The following KLHDC10 variants were observed in gnomAD, a reference collection of about 807,000 sequenced individuals.
The protein encoded by KLHDC10 is kelch domain-containing protein 10.
KLHDC10 carries 24 observed loss-of-function variants against 56.1 expected under a neutral mutation model. The observed-to-expected ratio is 0.43, with a 90% CI of 0.31 to 0.60. The LOEUF (loss-of-function observed/expected upper bound fraction) is 0.60. Ranked by LOEUF, KLHDC10 falls within the 20% of genes least tolerant of loss-of-function variation. The probability of loss-of-function intolerance (pLI) is 0.11; values close to 1 mark genes in which losing one functional copy is unlikely to be tolerated. For synonymous variants in KLHDC10, 188 were observed against 207.1 expected (o/e 0.91, Z 0.79); for missense variants, 349 against 567.0 (o/e 0.62, Z 3.91).
intron 2 of KLHDC10, among the ~76,000 whole-genome samples, chr7:130,101,516 A>G (rs560189298): frequency 2.6e-5 from 4 of 152,256 alleles, no homozygotes; most frequent in African/African-American, 9.6e-5. Context: ...TAATGAAAGA[A>G]TTGCCTTCAA....
intron 8 of KLHDC10, 73 bp downstream of exon 8, chr7:130,127,524 T>G: frequency 2.8e-6 from 3 of 1,081,844 alleles, no homozygotes; most frequent in Non-Finnish European, 4.3e-6. Flanking sequence ...TTTCCTAAGA[T>G]AGCCCCCTCA....
At chr7:130,071,975 T>C (rs1460694028) in intron 1 of KLHDC10, among the ~76,000 whole-genome samples, 1 of 152,202 alleles carries the variant, frequency 6.6e-6, no homozygotes, top group Non-Finnish European at 1.5e-5. Flanking sequence ...GAAATGTACA[T>C]TACCCCATTT....
At chr7:130,074,447 TAC>T (rs1795468659) in intron 1 of KLHDC10, among the ~76,000 whole-genome samples, 1 of 152,164 alleles carries the variant, frequency 6.6e-6, no homozygotes, top group Admixed American at 6.6e-5. Flanking sequence ...CGTATACATA[TAC>T]ACACATATGC....
chr7:130,112,483 G>A (rs1422098879), intron 2 of KLHDC10, among the ~76,000 whole-genome samples: 4 of 152,128 alleles, frequency 2.6e-5, no homozygotes, highest in Non-Finnish European at 5.9e-5. Context: ...GAATTCTATG[G>A]TAGATTTTAT....
Position 130,116,021 on chromosome 7 carries a change from T to G in KLHDC10, c.254-424T>G, listed in dbSNP as rs1796163003. ...GACTCATTCATATTCGTGATTATAT[T>G]TATTTAGTTCTCTAATATTCACAGT... On this transcript the variant is annotated intron_variant, in intron 2 of 9. Transcript: ENST00000335420. The surrounding 1 kb of genome is among the most constrained non-coding windows in gnomAD (Gnocchi z 4.8). Among the ~76,000 whole-genome samples the G allele has an allele frequency of 6.6e-6, 1 of 152,192 alleles. No homozygotes were observed. Among genetic ancestry groups the G allele is most frequent in the Non-Finnish European group, 1.5e-5 (1 of 68,030 alleles).
intron 1 of KLHDC10, among the ~76,000 whole-genome samples, chr7:130,090,180 T>C (rs1795751740): frequency 6.6e-6 from 1 of 152,360 alleles, no homozygotes; most frequent in Non-Finnish European, 1.5e-5. Context: ...TTTAGAGATA[T>C]CATTTTTGAA....
At position 130,130,064 on chromosome 7, in the gene KLHDC10, C is replaced by G. The variant is rs537785738; in HGVS notation, c.1120-473C>G. Among the ~76,000 whole-genome samples the G allele has an allele frequency of 1.1e-4, 16 of 152,094 alleles. No homozygotes were observed. In the South Asian group the frequency reaches 3.1e-3, roughly 30 times the overall value. On this transcript the variant is annotated intron_variant, in intron 9 of 9. Transcript: ENST00000335420. The surrounding 1 kb of genome is among the most constrained non-coding windows in gnomAD (Gnocchi z 4.2). ...GGGCGCGGTGGCTCAGGCCTGTAATCCCAGCACTTTGGGAGGCCAAGGTGG... is the reference window on the plus strand; with the variant it reads ...GGGCGCGGTGGCTCAGGCCTGTAATGCCAGCACTTTGGGAGGCCAAGGTGG...
At chr7:130,122,358 T>C (rs1267098340) in intron 5 of KLHDC10, among the ~76,000 whole-genome samples, 156 bp downstream of exon 5, 2 of 144,484 alleles carry the variant, frequency 1.4e-5, no homozygotes, top group Non-Finnish European at 3.2e-5. Context: ...GAAAGGTCTA[T>C]AGTAAAAAAA....
At chr7:130,112,278 G>A (rs765564108) in intron 2 of KLHDC10, among the ~76,000 whole-genome samples, 4 of 152,134 alleles carry the variant, frequency 2.6e-5, no homozygotes, top group African/African-American at 4.8e-5. Flanking sequence ...CCTGGTTACC[G>A]TAAGTTCCTG....
At chr7:130,082,990 G>C (rs550144671) in intron 1 of KLHDC10, among the ~76,000 whole-genome samples, 1 of 151,956 alleles carries the variant, frequency 6.6e-6, no homozygotes, top group South Asian at 2.1e-4. Context: ...TCTTTTGTTT[G>C]TTTCCCCTTC....
intron 5 of KLHDC10, among the ~76,000 whole-genome samples, chr7:130,122,995 G>A (rs1796268409): frequency 2.0e-5 from 3 of 151,174 alleles, no homozygotes; most frequent in South Asian, 4.2e-4. Flanking sequence ...GGATGGATGG[G>A]TGATGAATGA....
intron 2 of KLHDC10, among the ~76,000 whole-genome samples, chr7:130,103,058 T>G (rs1795955798): frequency 6.6e-6 from 1 of 152,134 alleles, no homozygotes; most frequent in Non-Finnish European, 1.5e-5. Context: ...TGAGGATAGA[T>G]CTGAGTGATC....
intron 2 of KLHDC10, among the ~76,000 whole-genome samples, chr7:130,103,781 A>G (rs118007474): frequency 6.6e-6 from 1 of 152,030 alleles, no homozygotes; most frequent in South Asian, 2.1e-4. Context: ...TTACTTGAAG[A>G]TGTACTCTGG....
chr7:130,127,345 C>T, intron 7 of KLHDC10, 59 bp from the exon 8 acceptor site: 1 of 1,335,884 alleles, frequency 7.5e-7, no homozygotes, highest in East Asian at 2.3e-5. Context: ...TGTGTTATAT[C>T]AGTGTGGTTC....
chr7:130,092,924 G>A (rs1046959111), intron 1 of KLHDC10, among the ~76,000 whole-genome samples: 1 of 151,672 alleles, frequency 6.6e-6, no homozygotes, highest in Non-Finnish European at 1.5e-5. Flanking sequence ...TCTTTAGTCC[G>A]ATTCTATCTG....
At chr7:130,110,766 AATG>A (rs1434114238) in intron 2 of KLHDC10, among the ~76,000 whole-genome samples, 11 of 152,192 alleles carry the variant, frequency 7.2e-5, no homozygotes, top group Admixed American at 7.2e-4. Context: ...ATTTATAACT[AATG>A]AATACTTTTA....
intron 2 of KLHDC10, among the ~76,000 whole-genome samples, chr7:130,108,214 C>A (rs970819821): frequency 6.6e-6 from 1 of 151,596 alleles, no homozygotes; most frequent in Admixed American, 6.6e-5. Context: ...GGCGACAGAG[C>A]GAGACTTGTC....
intron 1 of KLHDC10, among the ~76,000 whole-genome samples, chr7:130,075,380 A>C (rs1314152968): frequency 6.6e-6 from 1 of 152,234 alleles, no homozygotes; most frequent in African/African-American, 2.4e-5. Context: ...AATTTTAAGT[A>C]AGTAATGTGT....
In KLHDC10 at chr7:130,096,947, G is replaced by T. The variant is rs1373621859; in HGVS notation, c.193G>T (p.Val65Phe). The change falls in exon 2 of 10, where the codon GTT (valine) becomes TTT (phenylalanine). Residue 65 changes from valine (V) to phenylalanine (F), a missense_variant. Val to Phe is a conservative substitution (Grantham distance 50, BLOSUM62 -1). Transcript: ENST00000335420. ...TAAGAAGAAAATACGATGGGACCCAGTTAGGAGGCGCTTCATTCAGTCCTG... is the reference window on the plus strand; with the variant it reads ...TAAGAAGAAAATACGATGGGACCCATTTAGGAGGCGCTTCATTCAGTCCTG... ...PGKKKIRWDP[V>F]RRRFIQSCPI... The T allele has an allele frequency of 6.2e-7, 1 of 1,611,660 alleles. No homozygotes were observed. The highest frequency in any genetic ancestry group is 2.2e-5 in the East Asian group (1 of 44,850).
Sources: gnomAD v4.1 joint callset for allele counts (sites outside exome capture counted in the v4.1 genomes callset) on GRCh38, gnomAD v4.1.1 for gene constraint, Gnocchi (gnomAD v3.1) non-coding constraint, MANE v1.5 for transcripts, NCBI Gene and HGNC (gene_info 2026-07-23, HGNC 2026-07-21) for gene names.